CRELD2: variants seen among roughly 807,000 people sequenced by gnomAD.
CRELD2 encodes protein disulfide isomerase CRELD2.
A neutral mutation model predicts 48.1 loss-of-function variants in CRELD2; 33 were observed. That is an observed-to-expected ratio of 0.69 (90% CI 0.52 to 0.92). The LOEUF is 0.92. CRELD2 is among the 40% of genes least tolerant of loss of function. CRELD2 has a pLI of 0.00. For synonymous variants in CRELD2, 220 were observed against 203.9 expected, an observed-to-expected ratio of 1.08 and a Z score of -0.67; for missense variants, 477 against 482.4, an observed-to-expected ratio of 0.99 and a Z score of 0.10.
intron 9 of CRELD2, chr22:49,925,842 A>C (rs1178842322): frequency 2.1e-6 from 2 of 935,610 alleles, no homozygotes; most frequent in Non-Finnish European, 2.9e-6. Flanking sequence ...GCAGAGGAGC[A>C]GACGCAGGAG....
At position 49,918,832 on chromosome 22, in the gene CRELD2, G is replaced by T. The variant is rs2060642269; in HGVS notation, c.63G>T (p.Ala21=). 1 of 1,321,874 alleles carries T rather than the reference G, an allele frequency of 7.6e-7. No homozygotes were observed. The highest frequency in any genetic ancestry group is 3.1e-5 in the East Asian group (1 of 32,322). The allele number at this position is 1,321,874 out of a possible 1,614,324, so 81.9% of individuals were successfully genotyped here. A position where few individuals can be genotyped will look rare whatever the true frequency, so the allele number is the denominator to read the frequency against. ...LLPLLLLLPP[A]PEAAKKPTPC... ...CGCTTCTGCTGCTGCTGCCGCCCGC[G>T]CCGGAGGCCGCCAAGAAGCCGACGC... The change falls in exon 1 of 10, where the codon GCG becomes GCT. Residue 21 remains alanine, a synonymous_variant. Transcript: ENST00000328268.
At chr22:49,922,013 C>T in intron 5 of CRELD2, 1 of 602,022 alleles carries the variant, frequency 1.7e-6, no homozygotes, top group South Asian at 2.1e-5. Context: ...AAGGTCCACC[C>T]CGACCTTGAG....
In CRELD2 at chr22:49,918,791, G is replaced by A. The variant is rs895694670; in HGVS notation, c.22G>A (p.Ala8Thr). 3.1e-6 allele frequency: 4 copies of A among 1,304,338 alleles called. No individual in the cohort carries two copies. The highest frequency in any genetic ancestry group is 2.9e-4 in the Middle Eastern group (1 of 3,464). 80.8% of individuals were successfully genotyped at this position (1,304,338 alleles called of 1,614,324 possible). MRLPRRA[A>T]LGLLPLLLLL... ...CGCCATGCGCCTGCCGCGCCGGGCC[G>A]CGCTGGGGCTCCTGCCGCTTCTGCT... Residue 8 changes from alanine to threonine, a missense_variant, in exon 1 of 10, where the codon GCG (alanine) becomes ACG (threonine). By Grantham distance (58) the Ala-to-Thr change is moderately conservative. Coordinates refer to ENST00000328268, the MANE Select transcript of CRELD2 (RefSeq NM_024324.5).
At chr22:49,921,085 C>A (rs2060681431) in intron 4 of CRELD2, among the ~76,000 whole-genome samples, 1 of 152,246 alleles carries the variant, frequency 6.6e-6, no homozygotes. Flanking sequence ...ACGCCACACG[C>A]CTAGATGGTG....
At chr22:49,921,454 C>T in intron 4 of CRELD2, 131 bp from the exon 5 acceptor site, 1 of 991,410 alleles carries the variant, frequency 1.0e-6, no homozygotes. Flanking sequence ...CAAACACCCA[C>T]TCCAAGCCTT....
chr22:49,923,937 T>C (rs1372901712), intron 7 of CRELD2: 2 of 230,666 alleles, frequency 8.7e-6, no homozygotes, highest in Admixed American at 1.1e-4. Flanking sequence ...GCCCCGTGTG[T>C]GTGACAGCCC....
chr22:49,919,162 C>A, intron 1 of CRELD2, 68 bp from the exon 2 acceptor site: 1 of 977,276 alleles, frequency 1.0e-6, no homozygotes, highest in Non-Finnish European at 1.4e-6. Flanking sequence ...CACCCTCGAC[C>A]TGGGCTCGCC....
intron 1 of CRELD2, 50 bp from the exon 2 acceptor site, chr22:49,919,180 T>C: frequency 1.3e-6 from 2 of 1,582,230 alleles, no homozygotes; most frequent in Non-Finnish European, 8.7e-7. Flanking sequence ...GCCCCCACCC[T>C]GGACCCGGGT....
intron 6 of CRELD2, 38 bp downstream of exon 6, chr22:49,922,745 T>TAA (rs2146650132): frequency 8.4e-7 from 1 of 1,196,904 alleles, no homozygotes; most frequent in African/African-American, 1.7e-5. Flanking sequence ...GGCGCCTGCG[T>TAA]GAGGCGTGGG....
At chr22:49,923,843 A>G (rs2060729123) in intron 7 of CRELD2, 2 of 270,578 alleles carry the variant, frequency 7.4e-6, no homozygotes, top group Non-Finnish European at 1.4e-5. Context: ...TCGCTCAGTC[A>G]AGGGAATGTG....
intron 9 of CRELD2, 192 bp downstream of exon 9, chr22:49,925,749 T>C: frequency 1.4e-6 from 2 of 1,406,838 alleles, no homozygotes; most frequent in South Asian, 1.6e-5. Flanking sequence ...TTCCTGAGGA[T>C]GAAGCCCCAG....
intron 1 of CRELD2, 23 bp from the exon 2 acceptor site, chr22:49,919,207 C>G: frequency 6.2e-7 from 1 of 1,612,214 alleles, no homozygotes; most frequent in African/African-American, 1.3e-5. Flanking sequence ...GTACCAAGCA[C>G]TATGGGCACT....
chr22:49,919,030 G>GGTCGCCCCC (rs759377110), intron 1 of CRELD2, 132 bp downstream of exon 1: 31,315 of 885,118 alleles, frequency 0.035, 1,320 homozygotes, highest in African/African-American at 0.17. Flanking sequence ...CTGGATTCGG[G>GGTCGCCCCC]ATCCCCCTCA....
chr22:49,921,861 T>A, intron 5 of CRELD2, 100 bp downstream of exon 5: 1 of 1,250,062 alleles, frequency 8.0e-7, no homozygotes, highest in Non-Finnish European at 1.1e-6. Context: ...CTGTTGATCT[T>A]TAACCCCAGA....
chr22:49,923,395 T>A lies in CRELD2; in HGVS notation c.772+78T>A, dbSNP rs765979217. On this transcript the variant is annotated intron_variant, in intron 7 of 9. Transcript: ENST00000328268. ...CCTTTGTCAACATTCATTTATGGCT[T>A]CTTAGTGTCACTTCCATACATCCTG... is the stretch of plus-strand genomic sequence containing the variant. 9 of 1,101,218 alleles carry A rather than the reference T, an allele frequency of 8.2e-6. No individual in the cohort carries two copies. In the Admixed American group the frequency reaches 1.5e-4, roughly 18 times the overall value. The allele number at this position is 1,101,218 out of a possible 1,614,324, so 68.2% of individuals were successfully genotyped here. A position where few individuals can be genotyped will look rare whatever the true frequency, so the allele number is the denominator to read the frequency against.
intron 9 of CRELD2, 69 bp from the exon 10 acceptor site, chr22:49,927,186 C>A: frequency 7.2e-7 from 1 of 1,383,624 alleles, no homozygotes; most frequent in Non-Finnish European, 1.0e-6. Context: ...GCGCTGCTGT[C>A]CTGGGAAAGG....
At chr22:49,924,058 G>A (rs1601846918) in intron 7 of CRELD2, 2 of 274,436 alleles carry the variant, frequency 7.3e-6, no homozygotes, top group Non-Finnish European at 1.4e-5. Flanking sequence ...TGGCAGGCTG[G>A]CAAACCAATG....
intron 6 of CRELD2, among the ~76,000 whole-genome samples, 176 bp downstream of exon 6, chr22:49,922,883 T>TGGGGGTGTGAGGTGGGGCCGTGAG (rs2060713179): frequency 4.7e-5 from 1 of 21,486 alleles, no homozygotes; most frequent in South Asian, 2.0e-3. Context: ...GGGCGTGAGG[T>TGGGGGTGTGAGGTGGGGCCGTGAG]GTGGGGGAGC....
chr22:49,925,725 C>T lies in CRELD2; in HGVS notation c.1009+168C>T, dbSNP rs148154749. Reference sequence around the variant, plus strand: ...ACATCTCTGTGTGGGCACGCTTGCGCGAGAGGTACTGGCTTCCTGAGGATG... The same window carrying T: ...ACATCTCTGTGTGGGCACGCTTGCGTGAGAGGTACTGGCTTCCTGAGGATG... On this transcript the variant is annotated intron_variant, in intron 9 of 9. Transcript: ENST00000328268. 4,470 of 1,435,876 alleles carry T rather than the reference C, an allele frequency of 3.1e-3. 264 individuals are homozygous for T. The Admixed American group carries it at 0.11, about 34-fold the overall frequency. 88.9% of individuals were successfully genotyped at this position (1,435,876 alleles called of 1,614,324 possible). A position where few individuals can be genotyped will look rare whatever the true frequency, so the allele number is the denominator to read the frequency against.
Sources: gnomAD v4.1 joint callset for allele counts (sites outside exome capture counted in the v4.1 genomes callset) on GRCh38, gnomAD v4.1.1 for gene constraint, MANE v1.5 for transcripts, NCBI Gene and HGNC (gene_info 2026-07-23, HGNC 2026-07-21) for gene names.